IQGAP2: variants seen among roughly 807,000 people sequenced by gnomAD.
IQGAP2 encodes the protein ras GTPase-activating-like protein IQGAP2.
Under a neutral mutation model 201.3 loss-of-function variants are expected in IQGAP2, and 173 were observed. The ratio of observed to expected loss-of-function variants is 0.86; its 90% CI spans 0.76 to 0.98. The LOEUF is 0.98. Ranked by LOEUF, IQGAP2 falls within the 50% of genes least tolerant of loss-of-function variation. The pLI, the probability that IQGAP2 is intolerant of heterozygous loss-of-function variation, is 0.00. For synonymous variants in IQGAP2, 675 were observed against 673.9 expected, an observed-to-expected ratio of 1.00 and a Z score of -0.03; for missense variants, 1,687 against 1,864.8, an observed-to-expected ratio of 0.90 and a Z score of 1.76.
intron 2 of IQGAP2, among the ~76,000 whole-genome samples, chr5:76,516,609 A>T (rs1001790180): frequency 6.6e-6 from 1 of 152,184 alleles, no homozygotes; most frequent in Non-Finnish European, 1.5e-5. Context: ...GTGTTTGAGT[A>T]TGTGCGTGTG....
intron 28 of IQGAP2, among the ~76,000 whole-genome samples, chr5:76,677,885 C>T (rs1220881952): frequency 1.3e-5 from 2 of 152,120 alleles, no homozygotes; most frequent in African/African-American, 2.4e-5. Flanking sequence ...GATCTATGAT[C>T]GTGCCACTGC....
intron 9 of IQGAP2, among the ~76,000 whole-genome samples, chr5:76,596,697 A>C (rs1747057030): frequency 6.6e-6 from 1 of 152,176 alleles, no homozygotes; most frequent in South Asian, 2.1e-4. Flanking sequence ...GAATAGAGAG[A>C]AGGGGGAAGC....
chr5:76,411,925 G>T (rs1751141828), intron 1 of IQGAP2, among the ~76,000 whole-genome samples: 1 of 152,164 alleles, frequency 6.6e-6, no homozygotes, highest in African/African-American at 2.4e-5. Context: ...GTGTAAGAAA[G>T]GGAACTCTAA....
At chr5:76,429,911 T>C (rs1752271544) in intron 1 of IQGAP2, among the ~76,000 whole-genome samples, 1 of 150,324 alleles carries the variant, frequency 6.7e-6, no homozygotes, top group Non-Finnish European at 1.5e-5. Context: ...TTCATTTGTA[T>C]AGGATTTAGG....
chr5:76,429,964 G>A (rs915254378), intron 1 of IQGAP2, among the ~76,000 whole-genome samples: 1 of 151,968 alleles, frequency 6.6e-6, no homozygotes, highest in African/African-American at 2.4e-5. Flanking sequence ...GGTAGAGAGA[G>A]TAGATATCTG....
chr5:76,423,487 G>A (rs935463681), intron 1 of IQGAP2, among the ~76,000 whole-genome samples: 3 of 152,228 alleles, frequency 2.0e-5, no homozygotes, highest in South Asian at 4.1e-4. Context: ...CAGGCACAGT[G>A]GCGGGAGCCT....
At position 76,606,269 on chromosome 5, in the gene IQGAP2, T is replaced by G; in HGVS notation, c.1323T>G (p.Asp441Glu). 6.2e-7 allele frequency: 1 copy of G among 1,603,620 alleles called. No individual in the cohort carries two copies. Among genetic ancestry groups the G allele is most frequent in the South Asian group, 1.1e-5 (1 of 88,608 alleles). The change falls in exon 12 of 36, where the codon GAT becomes GAG. Residue 441 changes from aspartate (D) to glutamate (E), a missense_variant. Asp to Glu is a conservative substitution (Grantham distance 45). Coordinates refer to ENST00000274364, the MANE Select transcript of IQGAP2 (RefSeq NM_006633.5). Reference sequence around the variant, plus strand: ...GGAATGAAATTCAGAATTGTATTGATATGGTTAATGCTCAAATTCAAGAAG... The same window carrying G: ...GGAATGAAATTCAGAATTGTATTGAGATGGTTAATGCTCAAATTCAAGAAG... ...LSWNEIQNCI[D>E]MVNAQIQEEN... is the part of the protein sequence containing the mutation.
chr5:76,421,688 G>T (rs969864809), intron 1 of IQGAP2, among the ~76,000 whole-genome samples: 1 of 152,070 alleles, frequency 6.6e-6, no homozygotes, highest in African/African-American at 2.4e-5. Context: ...GCAGGACAAG[G>T]GTCACAGTTT....
intron 14 of IQGAP2, among the ~76,000 whole-genome samples, 168 bp downstream of exon 14, chr5:76,627,668 A>G (rs1457938107): frequency 1.3e-5 from 2 of 152,192 alleles, no homozygotes; most frequent in Non-Finnish European, 2.9e-5. Context: ...CAGTGATTTG[A>G]CTCTATCTCC....
chr5:76,478,311 G>T (rs1755569519), intron 2 of IQGAP2, among the ~76,000 whole-genome samples: 1 of 152,078 alleles, frequency 6.6e-6, no homozygotes, highest in Admixed American at 6.5e-5. Flanking sequence ...TGAGGAAGGA[G>T]AATCACTTGA....
intron 23 of IQGAP2, 96 bp downstream of exon 23, chr5:76,668,940 A>G: frequency 2.8e-6 from 2 of 708,122 alleles, no homozygotes; most frequent in Non-Finnish European, 4.4e-6. Flanking sequence ...TTAAATTCTT[A>G]TAAGTTATTC....
At chr5:76,445,701 G>T (rs1753346647) in intron 1 of IQGAP2, among the ~76,000 whole-genome samples, 1 of 152,070 alleles carries the variant, frequency 6.6e-6, no homozygotes, top group Non-Finnish European at 1.5e-5. Flanking sequence ...CTGACTTCAG[G>T]TGATCTGCTG....
At chr5:76,602,270 A>C (rs1747478319) in intron 11 of IQGAP2, among the ~76,000 whole-genome samples, 1 of 152,138 alleles carries the variant, frequency 6.6e-6, no homozygotes, top group Non-Finnish European at 1.5e-5. Context: ...ATACTTTCTC[A>C]GTGCTAGAGT....
At position 76,597,476 on chromosome 5, in the gene IQGAP2, G is replaced by A. The variant is rs371048498; in HGVS notation, c.945G>A (p.Pro315=). 2.0e-5 allele frequency: 33 copies of A among 1,613,806 alleles called. No individual in the cohort carries two copies. Among genetic ancestry groups the A allele is most frequent in the South Asian group, 7.7e-5 (7 of 91,062 alleles). The change falls in exon 10 of 36, where the codon CCG becomes CCA. Residue 315 remains proline, a synonymous_variant. Transcript: ENST00000274364. ...TGGACCATATCAATGCTGTCATTCC[G>A]GAAGGTGACCCCGAGAATACGCTGC... is the stretch of plus-strand genomic sequence containing the variant. The part of the protein sequence containing the change: ...AAVDHINAVI[P]EGDPENTLLA...
chr5:76,580,562 T>C (rs1745778142), intron 5 of IQGAP2, among the ~76,000 whole-genome samples: 1 of 152,008 alleles, frequency 6.6e-6, no homozygotes, highest in African/African-American at 2.4e-5. Context: ...TATTTATCTC[T>C]TTTTTTTATT....
At chr5:76,573,042 T>C (rs1745221340) in intron 4 of IQGAP2, among the ~76,000 whole-genome samples, 4 of 152,216 alleles carry the variant, frequency 2.6e-5, no homozygotes, top group Admixed American at 1.3e-4. Context: ...GCTGTTTCCT[T>C]CTAGGAACTG....
intron 2 of IQGAP2, among the ~76,000 whole-genome samples, chr5:76,465,905 A>G (rs569474987): frequency 1.3e-5 from 2 of 152,358 alleles, no homozygotes; most frequent in South Asian, 4.1e-4. Context: ...ACAGAAAGAC[A>G]TCTCATGTTC....
intron 14 of IQGAP2, chr5:76,628,789 G>A (rs547046778): frequency 4.5e-6 from 2 of 448,354 alleles, no homozygotes; most frequent in Admixed American, 4.9e-5. Context: ...TATTCCCTAA[G>A]GAACTTTGAA....
chr5:76,420,252 TG>T (rs2150079890), intron 1 of IQGAP2, among the ~76,000 whole-genome samples: 1 of 152,306 alleles, frequency 6.6e-6, no homozygotes, highest in South Asian at 2.1e-4. Flanking sequence ...TATTTGTATG[TG>T]TTTTTTTTTG....
Sources: gnomAD v4.1 joint callset for allele counts (sites outside exome capture counted in the v4.1 genomes callset) on GRCh38, gnomAD v4.1.1 for gene constraint, MANE v1.5 for transcripts, NCBI Gene and HGNC (gene_info 2026-07-23, HGNC 2026-07-21) for gene names.